NOTCH2NLR: variants seen among roughly 807,000 people sequenced by gnomAD.
NOTCH2NLR encodes notch 2 N-terminal like R.
In NOTCH2NLR, 33 loss-of-function variants were observed where a neutral mutation model predicts 35.6. That is an observed-to-expected ratio of 0.93 (90% CI 0.70 to 1.24). NOTCH2NLR has a LOEUF of 1.24. Ranked by LOEUF, NOTCH2NLR falls within the 50% of genes most tolerant of loss-of-function variation. NOTCH2NLR has a pLI of 0.00. For missense variants in NOTCH2NLR, 276 were observed against 362.2 expected, an observed-to-expected ratio of 0.76 and a Z score of 1.93; for synonymous variants, 103 against 141.0, an observed-to-expected ratio of 0.73 and a Z score of 1.91.
chr1:120,727,416 A>T lies in NOTCH2NLR; in HGVS notation c.73+3166A>T, dbSNP rs1411969331. Among the ~76,000 whole-genome samples the T allele has an allele frequency of 2.2e-4, 26 of 116,842 alleles. 9 individuals are homozygous for T. The highest frequency in any genetic ancestry group is 1.2e-3 in the African/African-American group (24 of 19,778). 76.7% of individuals were successfully genotyped at this position (116,842 alleles called of 152,430 possible). A position where few individuals can be genotyped will look rare whatever the true frequency, so the allele number is the denominator to read the frequency against. The stretch of plus-strand genomic sequence containing the variant: ...TGACTCAAGAATTTTAAAATTGCTA[A>T]CATAAGAGATATAGAATATAATGTC... On this transcript the variant is annotated intron_variant, in intron 1 of 4. Coordinates refer to ENST00000624419, the Ensembl canonical transcript of NOTCH2NLR.
intron 1 of NOTCH2NLR, among the ~76,000 whole-genome samples, chr1:120,759,109 G>A (rs1215042905): frequency 6.7e-5 from 5 of 74,552 alleles, no homozygotes; most frequent in South Asian, 3.8e-4. Context: ...TGTGCCTGCC[G>A]ATAGTAGATG....
chr1:120,758,549 A>G (rs1651100343), intron 1 of NOTCH2NLR, among the ~76,000 whole-genome samples: 1 of 102,566 alleles, frequency 9.7e-6, no homozygotes, highest in African/African-American at 6.3e-5. Flanking sequence ...TAAGAAAGAA[A>G]AGAAAAACCT....
chr1:120,762,267 CTAT>C (rs1219251605), intron 1 of NOTCH2NLR, among the ~76,000 whole-genome samples: 2 of 74,044 alleles, frequency 2.7e-5, no homozygotes, highest in African/African-American at 1.0e-4. Flanking sequence ...ATGTGTTAGC[CTAT>C]TATTATTATT....
Position 120,745,938 on chromosome 1 carries a change from C to A in NOTCH2NLR, c.74-17690C>A, listed in dbSNP as rs1320033221. Reference sequence around the variant, plus strand: ...TTTGAGACAGGGCCTCACTCTGTCACCCAGACTGGAGGGCAGTGGTGCGAT... The same window carrying A: ...TTTGAGACAGGGCCTCACTCTGTCAACCAGACTGGAGGGCAGTGGTGCGAT... On this transcript the variant is annotated intron_variant, in intron 1 of 4. Transcript: ENST00000624419. Among the ~76,000 whole-genome samples the A allele has an allele frequency of 1.1e-4, 3 of 27,710 alleles. No individual in the cohort carries two copies. The East Asian group carries it at 2.2e-3, about 21-fold the overall frequency. 18.2% of individuals were successfully genotyped at this position (27,710 alleles called of 152,430 possible).
At position 120,765,799 on chromosome 1, in the gene NOTCH2NLR, C is replaced by A. The variant is rs1163029240; in HGVS notation, c.155+2090C>A. ...TATACACGATGGAATACTATGCAGC[C>A]ATAAAAAAGAATGAGTTCATGTCCT... On this transcript the variant is annotated intron_variant, in intron 2 of 4. Transcript: ENST00000624419. 4.7e-5 allele frequency among the ~76,000 whole-genome samples: 6 copies of A among 128,140 alleles called. 1 individual carries two copies. The highest frequency in any genetic ancestry group is 3.1e-4 in the Admixed American group (4 of 12,924). 84.1% of individuals were successfully genotyped at this position (128,140 alleles called of 152,430 possible).
rs1423786464 is a variant in NOTCH2NLR at position 120,755,980 on chromosome 1, G to A, written c.74-7648G>A. ...TCCTTTCAATCAAGACAAATTTCAA[G>A]GAGGAAGACAGATGTTTCTCCACTT... On this transcript the variant is annotated intron_variant, in intron 1 of 4. Coordinates refer to ENST00000624419, the Ensembl canonical transcript of NOTCH2NLR. 4.6e-5 allele frequency among the ~76,000 whole-genome samples: 5 copies of A among 107,782 alleles called. 2 individuals are homozygous for A. Among genetic ancestry groups the A allele is most frequent in the Non-Finnish European group, 8.6e-5 (5 of 57,996 alleles). The allele number at this position is 107,782 out of a possible 152,430, so 70.7% of individuals were successfully genotyped here.
Position 120,793,462 on chromosome 1 carries a change from T to A in NOTCH2NLR, c.717T>A (p.Thr239=), listed in dbSNP as rs1202247824. 10 of 1,429,312 alleles carry A rather than the reference T, an allele frequency of 7.0e-6. 1 individual carries two copies. The highest frequency in any genetic ancestry group is 9.4e-6 in the Non-Finnish European group (10 of 1,069,030). The allele number at this position is 1,429,312 out of a possible 1,614,324, so 88.5% of individuals were successfully genotyped here. Residue 239 remains threonine, a synonymous_variant, in exon 4 of 5, where the codon ACT becomes ACA. Coordinates refer to ENST00000624419, the Ensembl canonical transcript of NOTCH2NLR. ...TCAATGGAGGCACCTGTCGGCAGAC[T>A]GGTGACTTCACTTTTGAGTGCAACT... is the stretch of plus-strand genomic sequence containing the variant.
chr1:120,729,798 T>C lies in NOTCH2NLR; in HGVS notation c.73+5548T>C, dbSNP rs1302992787. 6.1e-5 allele frequency among the ~76,000 whole-genome samples: 7 copies of C among 115,330 alleles called. 1 individual carries two copies. Among genetic ancestry groups the C allele is most frequent in the Non-Finnish European group, 1.2e-4 (7 of 60,256 alleles). 75.7% of individuals were successfully genotyped at this position (115,330 alleles called of 152,430 possible). A position where few individuals can be genotyped will look rare whatever the true frequency, so the allele number is the denominator to read the frequency against. Reference sequence around the variant, plus strand: ...GAGTGTCATCTGGGAATTTGTGTGTTCAAGAAATAGCCAGGTGATTCTTAC... The same window carrying C: ...GAGTGTCATCTGGGAATTTGTGTGTCCAAGAAATAGCCAGGTGATTCTTAC... On this transcript the variant is annotated intron_variant, in intron 1 of 4. Transcript: ENST00000624419.
rs1220324400 is a variant in NOTCH2NLR, at chr1:120,751,527, C to A, written c.74-12101C>A. Among the ~76,000 whole-genome samples, 18 of 30,272 alleles carry A rather than the reference C, an allele frequency of 5.9e-4. 1 individual carries two copies. In the South Asian group the frequency reaches 9.7e-3, roughly 16 times the overall value. 19.9% of individuals were successfully genotyped at this position (30,272 alleles called of 152,430 possible). ...CAGAATCTGTCTTCTGGTGGAATTC[C>A]CTTAGGCTTCCAGACAGGAGTGGCA... On this transcript the variant is annotated intron_variant, in intron 1 of 4. Coordinates refer to ENST00000624419, the Ensembl canonical transcript of NOTCH2NLR.
chr1:120,763,578 G>T lies in NOTCH2NLR; in HGVS notation c.74-50G>T. On this transcript the variant is annotated intron_variant, in intron 1 of 4. Coordinates refer to ENST00000624419, the Ensembl canonical transcript of NOTCH2NLR. The stretch of plus-strand genomic sequence containing the variant: ...TGGATTACACTTCTTTGGTGTCTGA[G>T]GGTTATGATTAGTGACTTACTTCTA... 3 of 785,672 alleles carry T rather than the reference G, an allele frequency of 3.8e-6. 1 individual carries two copies. The highest frequency in any genetic ancestry group is 6.0e-6 in the Non-Finnish European group (3 of 501,494). 48.7% of individuals were successfully genotyped at this position (785,672 alleles called of 1,614,324 possible).
rs1299938334 is a variant in NOTCH2NLR at position 120,724,128 on chromosome 1, AGGC to A, written c.-29_-27del. On this transcript the variant is annotated 5_prime_UTR_variant, in exon 1 of 5. Transcript: ENST00000624419. ...ACCCCCTCCCCATGTGGATCTGCCC[AGGC>A]GGCGGCGGCGGCGGCGGCGGAGGAG... 145 of 1,336,870 alleles carry A rather than the reference AGGC, an allele frequency of 1.1e-4. 16 individuals carry two copies. The highest frequency in any genetic ancestry group is 2.4e-4 in the African/African-American group (8 of 33,370). 82.8% of individuals were successfully genotyped at this position (1,336,870 alleles called of 1,614,324 possible).
intron 2 of NOTCH2NLR, among the ~76,000 whole-genome samples, chr1:120,784,157 A>G (rs1651396456): frequency 8.5e-6 from 1 of 117,894 alleles, no homozygotes. Context: ...TCTAAGGTAA[A>G]AGTAAAGAAC....
chr1:120,745,258 A>C (rs1470249977), intron 1 of NOTCH2NLR, among the ~76,000 whole-genome samples: 2 of 106,492 alleles, frequency 1.9e-5, no homozygotes, highest in South Asian at 5.3e-4. Context: ...CATGAAACCA[A>C]TTTGGTAGGT....
chr1:120,745,134 C>CA (rs1287143211), intron 1 of NOTCH2NLR, among the ~76,000 whole-genome samples: 1,763 of 82,230 alleles, frequency 0.021, 209 homozygotes, highest in East Asian at 0.036. Context: ...AAAAAAAAAA[C>CA]AAAAAAAAAA....
chr1:120,790,353 T>C (rs1651473417), intron 3 of NOTCH2NLR, among the ~76,000 whole-genome samples: 1 of 113,894 alleles, frequency 8.8e-6, no homozygotes, highest in Non-Finnish European at 1.7e-5. Flanking sequence ...TTTTTGTCTA[T>C]CACTTTAGGA....
At chr1:120,787,951 G>T (rs1651440416) in intron 3 of NOTCH2NLR, among the ~76,000 whole-genome samples, 2 of 111,632 alleles carry the variant, frequency 1.8e-5, no homozygotes, top group South Asian at 5.3e-4. Context: ...GTAGTAGGTG[G>T]TATTGATGAC....
In NOTCH2NLR at chr1:120,760,036, C is replaced by T. The variant is rs1472276098; in HGVS notation, c.74-3592C>T. ...ATGATTTTGATGGTTTTCAATTCTA[C>T]GTATAAGTGAGAACATGCTGTATTT... On this transcript the variant is annotated intron_variant, in intron 1 of 4. Coordinates refer to ENST00000624419, the Ensembl canonical transcript of NOTCH2NLR. Among the ~76,000 whole-genome samples the T allele has an allele frequency of 1.1e-4, 11 of 101,994 alleles. 2 individuals carry two copies. The highest frequency in any genetic ancestry group is 1.9e-4 in the Admixed American group (2 of 10,630). 66.9% of individuals were successfully genotyped at this position (101,994 alleles called of 152,430 possible).
Position 120,793,236 on chromosome 1 carries a change from A to G in NOTCH2NLR, c.491A>G (p.Asn164Ser), listed in dbSNP as rs1294101740. 153 of 1,440,692 alleles carry G rather than the reference A, an allele frequency of 1.1e-4. 33 individuals carry two copies. Among genetic ancestry groups the G allele is most frequent in the Non-Finnish European group, 1.3e-4 (138 of 1,079,926 alleles). 89.2% of individuals were successfully genotyped at this position (1,440,692 alleles called of 1,614,324 possible). A position where few individuals can be genotyped will look rare whatever the true frequency, so the allele number is the denominator to read the frequency against. Residue 164 changes from asparagine (N) to serine (S), a missense_variant, in exon 4 of 5, where the codon AAC becomes AGC. Asn to Ser is a conservative substitution (Grantham distance 46). Transcript: ENST00000624419. ...GGAAGTACCTGTACCACTGTGGCCA[A>G]CCAGTTCTCCTGCAAATGCCTCACA... is the stretch of plus-strand genomic sequence containing the variant.
Position 120,754,716 on chromosome 1 carries a change from G to T in NOTCH2NLR, c.74-8912G>T, listed in dbSNP as rs1331655548. ...GCTAGTTTTTACCATAATACACATG[G>T]CTTAAGATTTATAGGAGGCTAAGAG... On this transcript the variant is annotated intron_variant, in intron 1 of 4. Transcript: ENST00000624419. 3.5e-5 allele frequency among the ~76,000 whole-genome samples: 4 copies of T among 113,818 alleles called. 1 individual carries two copies. The highest frequency in any genetic ancestry group is 5.0e-5 in the Non-Finnish European group (3 of 60,144). 74.7% of individuals were successfully genotyped at this position (113,818 alleles called of 152,430 possible).
Sources: allele counts gnomAD v4.1 joint callset (sites outside exome capture counted in the v4.1 genomes callset), GRCh38; gene constraint gnomAD v4.1.1; transcripts MANE v1.5; gene names NCBI Gene and HGNC (gene_info 2026-07-23, HGNC 2026-07-21).